Variants in ARPP21 observed in about 807,000 individuals in gnomAD.
ARPP21 encodes cAMP regulated phosphoprotein 21.
A neutral mutation model predicts 113.2 loss-of-function variants in ARPP21; 69 were observed. The ratio of observed to expected loss-of-function variants is 0.61; its 90% CI spans 0.50 to 0.74. ARPP21 has a LOEUF of 0.74. ARPP21 is among the 30% of genes least tolerant of loss of function. ARPP21 has a pLI of 0.00. For missense variants in ARPP21, 1,070 were observed against 1,037.4 expected (o/e 1.03, Z -0.43); for synonymous variants, 368 against 375.5 (o/e 0.98, Z 0.23).
intron 1 of ARPP21, among the ~76,000 whole-genome samples, chr3:35,672,302 G>A (rs1397350095): frequency 6.6e-6 from 1 of 152,032 alleles, no homozygotes; most frequent in Non-Finnish European, 1.5e-5. Flanking sequence ...CTAGCTCTCT[G>A]TGAATGGATA....
chr3:35,750,914 G>A (rs929544884), intron 19 of ARPP21, among the ~76,000 whole-genome samples: 1 of 152,158 alleles, frequency 6.6e-6, no homozygotes, highest in African/African-American at 2.4e-5. Flanking sequence ...GTTCCTATAA[G>A]CTTCTGCCCG....
Position 35,739,429 on chromosome 3 carries a change from C to A in ARPP21, c.1862C>A (p.Pro621Gln), listed in dbSNP as rs140813903. 2.4e-4 allele frequency: 385 copies of A among 1,614,136 alleles called. No homozygotes were observed. In the African/African-American group the frequency reaches 4.2e-3, roughly 18 times the overall value. ...TACCCATCCTCCCTTATGCCACAGCCGGCCCAGCAGCCCAGCTATGTAATC... is the reference window on the plus strand; with the variant it reads ...TACCCATCCTCCCTTATGCCACAGCAGGCCCAGCAGCCCAGCTATGTAATC... ...PVYPSSLMPQ[P>Q]AQQPSYVIAS... is the part of the protein sequence containing the mutation. Residue 621 changes from proline (P) to glutamine (Q), a missense_variant, in exon 18 of 21, where the codon CCG (proline) becomes CAG (glutamine). Physicochemically the swap from Pro to Gln is moderately conservative, Grantham distance 76. Coordinates refer to ENST00000684406, the MANE Select transcript of ARPP21 (RefSeq NM_001385562.1).
chr3:35,686,722 A>G (rs2080715097), intron 5 of ARPP21, among the ~76,000 whole-genome samples: 1 of 151,674 alleles, frequency 6.6e-6, no homozygotes, highest in Non-Finnish European at 1.5e-5. Context: ...AAGCTTTGCC[A>G]TCAAATGATC....
At chr3:35,712,559 T>A (rs1043977965) in intron 11 of ARPP21, among the ~76,000 whole-genome samples, 24 of 131,172 alleles carry the variant, frequency 1.8e-4, no homozygotes, top group South Asian at 7.8e-4. Context: ...TGTGTGTGTG[T>A]GTGAAAGAGA....
At chr3:35,771,798 A>G (rs1352436647) in intron 19 of ARPP21, among the ~76,000 whole-genome samples, 1 of 152,238 alleles carries the variant, frequency 6.6e-6, no homozygotes, top group African/African-American at 2.4e-5. Flanking sequence ...AGGGAATTAT[A>G]GTCAAGAAGG....
intron 19 of ARPP21, among the ~76,000 whole-genome samples, chr3:35,779,199 C>T (rs1001592041): frequency 2.6e-5 from 4 of 152,094 alleles, no homozygotes; most frequent in Non-Finnish European, 4.4e-5. Flanking sequence ...ATGTATTCTC[C>T]GGGTTCCTAG....
chr3:35,647,178 GT>G (rs1282394015), intron 1 of ARPP21, among the ~76,000 whole-genome samples: 1 of 152,118 alleles, frequency 6.6e-6, no homozygotes, highest in Non-Finnish European at 1.5e-5. Context: ...ATAACTTAGT[GT>G]TTTAGTGTTT....
chr3:35,689,699 T>C (rs1331385678), intron 7 of ARPP21, among the ~76,000 whole-genome samples: 3 of 151,632 alleles, frequency 2.0e-5, no homozygotes, highest in Non-Finnish European at 4.4e-5. Context: ...CCAATTATGT[T>C]TTAATGCAGC....
At position 35,784,721 on chromosome 3, in the gene ARPP21, C is replaced by T. The variant is rs1482134122; in HGVS notation, c.2138-7661C>T. 2.7e-5 allele frequency: 4 copies of T among 148,616 alleles called. No homozygotes were observed. The East Asian group carries it at 7.7e-4, about 29-fold the overall frequency. 9.2% of individuals were successfully genotyped at this position (148,616 alleles called of 1,614,324 possible). On this transcript the variant is annotated intron_variant, in intron 19 of 20. Transcript: ENST00000684406. ...ACTAGAACAATCTTTGAGCAAGAGT[C>T]CTGCCAGTCTGGAATCGAAGAAGTT... is the stretch of plus-strand genomic sequence containing the variant.
intron 19 of ARPP21, among the ~76,000 whole-genome samples, chr3:35,746,066 T>C (rs2095028724): frequency 6.6e-6 from 1 of 152,218 alleles, no homozygotes; most frequent in Non-Finnish European, 1.5e-5. Context: ...GAAATGATCA[T>C]AAACAGTATT....
At chr3:35,735,576 T>G (rs12634228) in intron 15 of ARPP21, among the ~76,000 whole-genome samples, 54,290 of 152,130 alleles carry the variant, frequency 0.36, 10,966 homozygotes, top group East Asian at 0.72. Context: ...GAACAATGTA[T>G]GGACTGAGAT....
intron 19 of ARPP21, among the ~76,000 whole-genome samples, chr3:35,758,066 T>A (rs2095635746): frequency 6.6e-6 from 1 of 152,126 alleles, no homozygotes; most frequent in South Asian, 2.1e-4. Context: ...ATTCTATTTA[T>A]AATAGCAACA....
intron 19 of ARPP21, among the ~76,000 whole-genome samples, chr3:35,775,545 G>T (rs1206374956): frequency 6.6e-6 from 1 of 152,052 alleles, no homozygotes; most frequent in Non-Finnish European, 1.5e-5. Context: ...GAAAAAGAGG[G>T]CTATTAATAA....
intron 19 of ARPP21, among the ~76,000 whole-genome samples, chr3:35,745,371 T>G (rs2094961001): frequency 6.6e-6 from 1 of 152,220 alleles, no homozygotes. Flanking sequence ...TTTACAATCT[T>G]GAGGATCTTG....
intron 1 of ARPP21, among the ~76,000 whole-genome samples, chr3:35,674,139 A>G (rs2076956115): frequency 6.6e-6 from 1 of 151,964 alleles, no homozygotes; most frequent in Non-Finnish European, 1.5e-5. Context: ...AATTTCCAGT[A>G]CCAGTTAGAT....
At chr3:35,647,709 A>C (rs1271479662) in intron 1 of ARPP21, among the ~76,000 whole-genome samples, 2 of 152,212 alleles carry the variant, frequency 1.3e-5, no homozygotes. Flanking sequence ...GGGTCTGAGT[A>C]AATAGTGTGA....
intron 19 of ARPP21, 73 bp downstream of exon 19, chr3:35,744,038 G>A: frequency 2.6e-6 from 4 of 1,520,892 alleles, no homozygotes; most frequent in Non-Finnish European, 3.6e-6. Context: ...CTCTTTGGAT[G>A]AGTGTCCAAG....
chr3:35,688,030 T>G (rs1044863723), intron 6 of ARPP21, 147 bp downstream of exon 6: 1 of 696,182 alleles, frequency 1.4e-6, no homozygotes, highest in Admixed American at 3.2e-5. Context: ...GTGTAAAAAA[T>G]GTGAACTTGA....
At chr3:35,784,879 A>G (rs2151804905) in intron 19 of ARPP21, 1 of 152,040 alleles carries the variant, frequency 6.6e-6, no homozygotes, top group South Asian at 2.1e-4. Context: ...GTGGATTTCT[A>G]CAGACTGAAT....
Sources: allele counts gnomAD v4.1 joint callset (sites outside exome capture counted in the v4.1 genomes callset), GRCh38; gene constraint gnomAD v4.1.1; transcripts MANE v1.5; gene names NCBI Gene and HGNC (gene_info 2026-07-23, HGNC 2026-07-21).